Variants in DNM3 observed in about 807,000 individuals in gnomAD.
DNM3 encodes dynamin-3.
A neutral mutation model predicts 101.6 loss-of-function variants in DNM3; 47 were observed. That is an observed-to-expected ratio of 0.46 (90% CI 0.37 to 0.59). The LOEUF (loss-of-function observed/expected upper bound fraction) is 0.59. Among genes scored for constraint, DNM3 ranks in the 20% least tolerant of loss-of-function variants. The pLI is 0.00. For synonymous variants in DNM3, 385 were observed against 387.9 expected, an observed-to-expected ratio of 0.99 and a Z score of 0.09; for missense variants, 849 against 1,085.7, an observed-to-expected ratio of 0.78 and a Z score of 3.06.
At chr1:172,035,860 A>G (rs531947558) in intron 6 of DNM3, among the ~76,000 whole-genome samples, 1 of 152,286 alleles carries the variant, frequency 6.6e-6, no homozygotes, top group Admixed American at 6.5e-5. Context: ...GGGGTAATAC[A>G]GTTATAAACT....
chr1:171,894,742 G>A (rs185480398), intron 1 of DNM3, among the ~76,000 whole-genome samples: 61 of 152,112 alleles, frequency 4.0e-4, no homozygotes, highest in South Asian at 2.1e-4. Context: ...CCCAGCCCCC[G>A]ACTCCCCCAG....
chr1:172,389,646 TAA>T (rs1475865107), intron 20 of DNM3, among the ~76,000 whole-genome samples: 1 of 152,168 alleles, frequency 6.6e-6, no homozygotes, highest in Non-Finnish European at 1.5e-5. Context: ...AGCCCATATA[TAA>T]AGTTAATTTT....
At chr1:172,018,786 T>C (rs1031641889) in intron 4 of DNM3, among the ~76,000 whole-genome samples, 2 of 152,212 alleles carry the variant, frequency 1.3e-5, no homozygotes, top group Non-Finnish European at 2.9e-5. Context: ...ACCTTACTTA[T>C]TCCTTCTCTG....
At chr1:172,176,515 CA>C (rs1206257588) in intron 14 of DNM3, among the ~76,000 whole-genome samples, 1 of 151,740 alleles carries the variant, frequency 6.6e-6, no homozygotes, top group Non-Finnish European at 1.5e-5. Context: ...TGTAAATAGC[CA>C]GGTTAGTGAG....
At chr1:172,113,525 C>T (rs1024674435) in intron 13 of DNM3, among the ~76,000 whole-genome samples, 32 of 144,994 alleles carry the variant, frequency 2.2e-4, no homozygotes, top group African/African-American at 7.4e-4. Context: ...GAGGCTGAGG[C>T]AGGAGAATCA....
intron 17 of DNM3, among the ~76,000 whole-genome samples, chr1:172,368,014 G>A (rs1368144656): frequency 4.6e-5 from 7 of 151,738 alleles, no homozygotes; most frequent in East Asian, 1.9e-4. Flanking sequence ...GCCATGTGAG[G>A]AGGGACATAT....
chr1:172,407,149 A>G (rs2070952617), intron 20 of DNM3, among the ~76,000 whole-genome samples: 1 of 152,028 alleles, frequency 6.6e-6, no homozygotes, highest in Non-Finnish European at 1.5e-5. Flanking sequence ...GAGTAATACT[A>G]CTAATACCAA....
intron 10 of DNM3, 95 bp from the exon 11 acceptor site, chr1:172,068,724 G>A (rs960975992): frequency 7.1e-6 from 8 of 1,119,700 alleles, no homozygotes; most frequent in South Asian, 1.4e-5. Flanking sequence ...GAATGGCAAT[G>A]AATATCTTCT....
chr1:172,232,069 G>A (rs569594387), intron 14 of DNM3, among the ~76,000 whole-genome samples: 503 of 152,192 alleles, frequency 3.3e-3, no homozygotes, highest in Non-Finnish European at 5.9e-3. Flanking sequence ...TGGGCTAAAT[G>A]CTCCAATTAA....
intron 4 of DNM3, among the ~76,000 whole-genome samples, chr1:172,009,008 C>CAT (rs59520750): frequency 0.34 from 46,153 of 134,224 alleles, 10,944 homozygotes; most frequent in African/African-American, 0.68. Context: ...TTATATATAA[C>CAT]ATGCATGTAC....
intron 12 of DNM3, among the ~76,000 whole-genome samples, chr1:172,089,978 C>T (rs1053062789): frequency 1.3e-5 from 2 of 152,162 alleles, no homozygotes; most frequent in Non-Finnish European, 2.9e-5. Flanking sequence ...CGACTGAAGT[C>T]CATTTTGATC....
chr1:171,973,278 C>T (rs1383370329), intron 2 of DNM3, among the ~76,000 whole-genome samples: 1 of 152,170 alleles, frequency 6.6e-6, no homozygotes, highest in African/African-American at 2.4e-5. Flanking sequence ...AACTGGGAGT[C>T]AGAATGTCTG....
intron 14 of DNM3, among the ~76,000 whole-genome samples, chr1:172,213,546 G>T (rs1381157526): frequency 1.4e-5 from 2 of 139,654 alleles, no homozygotes; most frequent in African/African-American, 5.8e-5. Flanking sequence ...AAAGCCTATT[G>T]GTGGCCGGGC....
intron 2 of DNM3, among the ~76,000 whole-genome samples, chr1:171,980,627 C>T (rs1050641132): frequency 3.9e-5 from 6 of 152,256 alleles, no homozygotes; most frequent in Admixed American, 2.6e-4. Flanking sequence ...ACTTCTCAGT[C>T]TCTAGTAACC....
At chr1:172,085,900 T>A (rs903328988) in intron 12 of DNM3, among the ~76,000 whole-genome samples, 2 of 152,128 alleles carry the variant, frequency 1.3e-5, no homozygotes, top group African/African-American at 4.8e-5. Context: ...GTTCTCTCTC[T>A]TGTGGAATCA....
At chr1:171,846,983 C>T (rs1380319767) in intron 1 of DNM3, among the ~76,000 whole-genome samples, 1 of 152,186 alleles carries the variant, frequency 6.6e-6, no homozygotes, top group Admixed American at 6.5e-5. Context: ...ACAAGTCATT[C>T]ACCCAGGATC....
rs527810501 is a variant in DNM3, at chr1:172,157,689, C to G, written c.1659+26401C>G. ...AACAATATGATATAACAACTATTTA[C>G]ACAGCATTTACACTGCATTAGGTAT... On this transcript the variant is annotated intron_variant, in intron 14 of 20. Coordinates refer to ENST00000627582, the MANE Select transcript of DNM3 (RefSeq NM_015569.5). 8.2e-4 allele frequency among the ~76,000 whole-genome samples: 124 copies of G among 152,124 alleles called. No homozygotes were observed. The South Asian group carries it at 0.023, about 28-fold the overall frequency.
In DNM3 at chr1:172,012,400, A is replaced by T. The variant is rs113079330; in HGVS notation, c.590-20002A>T. Among the ~76,000 whole-genome samples, 364 of 152,166 alleles carry T rather than the reference A, an allele frequency of 2.4e-3. 1 individual carries two copies. The highest frequency in any genetic ancestry group is 4.3e-3 in the Non-Finnish European group (290 of 67,950). ...TTCAATCACAGGTATAACCTAAGGG[A>T]GATTGTAATTCAATTGTAAGAAGGA... On this transcript the variant is annotated intron_variant, in intron 4 of 20. Transcript: ENST00000627582.
chr1:172,380,160 C>CT (rs1214577909), intron 18 of DNM3, among the ~76,000 whole-genome samples: 2 of 152,030 alleles, frequency 1.3e-5, no homozygotes, highest in African/African-American at 4.8e-5. Flanking sequence ...AGGTGAGTCT[C>CT]TTTCATGTGT....
Sources: gnomAD v4.1 joint callset for allele counts (sites outside exome capture counted in the v4.1 genomes callset) on GRCh38, gnomAD v4.1.1 for gene constraint, MANE v1.5 for transcripts, NCBI Gene and HGNC (gene_info 2026-07-23, HGNC 2026-07-21) for gene names.